Variants in CCL28 observed in about 807,000 individuals in gnomAD.
CCL28 encodes the protein C-C motif chemokine ligand 28.
Under a neutral mutation model 7.1 loss-of-function variants are expected in CCL28, and 4 were observed. That is an observed-to-expected ratio of 0.56 (90% CI 0.28 to 1.29). CCL28 has a LOEUF of 1.29. CCL28 is among the 50% of genes most tolerant of loss of function. CCL28 has a pLI of 0.11. For missense variants in CCL28, 151 were observed against 163.4 expected, an observed-to-expected ratio of 0.92 and a Z score of 0.41; for synonymous variants, 55 against 57.8, an observed-to-expected ratio of 0.95 and a Z score of 0.22.
chr5:43,376,635 G>C (rs541969481), downstream of CCL28: 1 of 152,400 alleles, frequency 6.6e-6, no homozygotes, highest in South Asian at 2.1e-4. Context: ...GATACATTGA[G>C]ACAGCAGAGT....
chr5:43,408,882 G>A (rs1262249964), intron 1 of CCL28, among the ~76,000 whole-genome samples: 1 of 142,834 alleles, frequency 7.0e-6, no homozygotes, highest in Non-Finnish European at 1.5e-5. Flanking sequence ...TATTTTTTTG[G>A]TAATTTTTTA....
intron 1 of CCL28, among the ~76,000 whole-genome samples, chr5:43,401,564 T>G (rs1741040472): frequency 6.6e-6 from 1 of 152,186 alleles, no homozygotes; most frequent in Admixed American, 6.5e-5. Context: ...TTCTGTAATA[T>G]GGGGGTGGTC....
At chr5:43,401,237 G>T (rs1741022665) in intron 1 of CCL28, among the ~76,000 whole-genome samples, 1 of 152,212 alleles carries the variant, frequency 6.6e-6, no homozygotes, top group Admixed American at 6.5e-5. Flanking sequence ...TAAGTGGGCA[G>T]GTAGGACTCA....
downstream of CCL28, chr5:43,376,768 G>A (rs555522714): frequency 4.5e-4 from 69 of 152,398 alleles, no homozygotes; most frequent in African/African-American, 1.6e-3. Flanking sequence ...TTGGGCCACT[G>A]ATTGGTCAGG....
At chr5:43,361,562 C>G in the CCL28 span, among the ~76,000 whole-genome samples, 3 of 152,124 alleles carry the variant, frequency 2.0e-5, no homozygotes, top group African/African-American at 7.2e-5. Flanking sequence ...CAAATCTTTG[C>G]CAGGTTTTAT....
chr5:43,388,184 A>T, intron 2 of CCL28, 166 bp downstream of exon 2: 1 of 739,542 alleles, frequency 1.4e-6, no homozygotes, highest in Non-Finnish European at 2.1e-6. Context: ...CTATGAATTT[A>T]CTCCAGGGAG....
chr5:43,375,827 T>C (rs2111650097), downstream of CCL28, among the ~76,000 whole-genome samples: 1 of 152,082 alleles, frequency 6.6e-6, no homozygotes, highest in Non-Finnish European at 1.5e-5. Context: ...GTGCCTGTAA[T>C]GCCAACTACT....
At chr5:43,375,477 A>C (rs898949380), downstream of CCL28, among the ~76,000 whole-genome samples, 1 of 148,518 alleles carries the variant, frequency 6.7e-6, no homozygotes, top group Admixed American at 6.7e-5. Context: ...AAAAAAAAAA[A>C]AAAAAAAAGC....
At chr5:43,370,883 A>C in the CCL28 span, among the ~76,000 whole-genome samples, 3 of 151,802 alleles carry the variant, frequency 2.0e-5, no homozygotes, top group African/African-American at 7.3e-5. Flanking sequence ...CTGGGATTAC[A>C]GGCACCCACC....
At chr5:43,406,611 C>CA (rs1741293345) in intron 1 of CCL28, among the ~76,000 whole-genome samples, 5 of 152,190 alleles carry the variant, frequency 3.3e-5, no homozygotes, top group Non-Finnish European at 7.3e-5. Context: ...CCTCTCTCAC[C>CA]TTCCTATTCA....
downstream of CCL28, among the ~76,000 whole-genome samples, chr5:43,375,361 C>CAA (rs56103146): frequency 1.3e-4 from 6 of 45,482 alleles, 1 homozygote; most frequent in Admixed American, 3.9e-4. Flanking sequence ...GACTCTGTCT[C>CAA]AAAAAAAAAA....
In CCL28 at chr5:43,379,320, G is replaced by T. The variant is rs1740011254; in HGVS notation, c.*2540C>A. On this transcript the variant is annotated 3_prime_UTR_variant, in exon 3 of 3. Transcript: ENST00000361115. ...TGGTATCTTAACTTTTATTAATGTT[G>T]GTTATCACGGTTAATTAATTTAAAA... 2 of 151,680 alleles carry T rather than the reference G, an allele frequency of 1.3e-5. No homozygotes were observed. The highest frequency in any genetic ancestry group is 4.8e-5 in the African/African-American group (2 of 41,264). The allele number at this position is 151,680 out of a possible 1,614,324, so 9.4% of individuals were successfully genotyped here. A position where few individuals can be genotyped will look rare whatever the true frequency, so the allele number is the denominator to read the frequency against.
At chr5:43,401,954 T>C (rs1260071638) in intron 1 of CCL28, among the ~76,000 whole-genome samples, 2 of 152,196 alleles carry the variant, frequency 1.3e-5, no homozygotes, top group Non-Finnish European at 2.9e-5. Context: ...CAGGTTCCTG[T>C]AGACCCAGCT....
the CCL28 span, among the ~76,000 whole-genome samples, chr5:43,367,741 T>A: frequency 2.0e-5 from 3 of 152,210 alleles, no homozygotes; most frequent in African/African-American, 7.2e-5. Context: ...GTACCTCAGT[T>A]GGAAATGCAG....
chr5:43,373,085 G>A (rs1394481166), downstream of CCL28, among the ~76,000 whole-genome samples: 2 of 152,090 alleles, frequency 1.3e-5, no homozygotes, highest in Non-Finnish European at 2.9e-5. Flanking sequence ...ACAGGCGTGA[G>A]CTACCATGCC....
chr5:43,383,582 T>TA (rs892483435), intron 2 of CCL28, among the ~76,000 whole-genome samples: 16 of 150,872 alleles, frequency 1.1e-4, no homozygotes, highest in African/African-American at 2.4e-4. Flanking sequence ...TAGAGAGTCT[T>TA]AAAAAAAAAC....
At chr5:43,360,240 A>G in the CCL28 span, among the ~76,000 whole-genome samples, 1 of 152,154 alleles carries the variant, frequency 6.6e-6, no homozygotes, top group East Asian at 1.9e-4. Flanking sequence ...ACCCACGTAA[A>G]AAAAATGAAA....
At position 43,390,355 on chromosome 5, in the gene CCL28, C is replaced by G. The variant is rs73098685; in HGVS notation, c.65-1879G>C. Among the ~76,000 whole-genome samples, 172 of 152,288 alleles carry G rather than the reference C, an allele frequency of 1.1e-3. 1 individual carries two copies. The highest frequency in any genetic ancestry group is 4.1e-3 in the African/African-American group (170 of 41,570). ...GACTATTACTGAAAATAAGAGAAGT[C>G]TTGCAGAGTGGGCTTAATAAAGCAG... On this transcript the variant is annotated intron_variant, in intron 1 of 2. Coordinates refer to ENST00000361115, the MANE Select transcript of CCL28 (RefSeq NM_148672.3).
rs41496450 is a variant in CCL28, at chr5:43,412,212, C to T, written c.64+41G>A. Reference sequence around the variant, plus strand: ...CCAGCACAGATTTGGGAGATACCCCCCTTTCCAGTGAAGGCCTAAGTGTCC... The same window carrying T: ...CCAGCACAGATTTGGGAGATACCCCTCTTTCCAGTGAAGGCCTAAGTGTCC... On this transcript the variant is annotated intron_variant, in intron 1 of 2. Transcript: ENST00000361115. 5.6e-4 allele frequency: 863 copies of T among 1,550,976 alleles called. 3 individuals are homozygous for T. In the African/African-American group the frequency reaches 9.3e-3, roughly 17 times the overall value.
Sources: allele counts gnomAD v4.1 joint callset (sites outside exome capture counted in the v4.1 genomes callset), GRCh38; gene constraint gnomAD v4.1.1; transcripts MANE v1.5; gene names NCBI Gene and HGNC (gene_info 2026-07-23, HGNC 2026-07-21).